Variants in GRM5 observed in about 807,000 individuals in gnomAD.
The protein encoded by GRM5 is metabotropic glutamate receptor 5.
A neutral mutation model predicts 83.1 loss-of-function variants in GRM5; 19 were observed. That is an observed-to-expected ratio of 0.23 (90% CI 0.16 to 0.34). The LOEUF (loss-of-function observed/expected upper bound fraction) is 0.34. Ranked by LOEUF, GRM5 falls within the 10% of genes least tolerant of loss-of-function variation. The pLI, the probability that GRM5 is intolerant of heterozygous loss-of-function variation, is 1.00. For synonymous variants in GRM5, 675 were observed against 633.6 expected (o/e 1.07, Z -0.98); for missense variants, 1,160 against 1,588.3 (o/e 0.73, Z 4.58).
chr11:88,993,472 G>C (rs1301223807), intron 2 of GRM5, among the ~76,000 whole-genome samples: 1 of 152,084 alleles, frequency 6.6e-6, no homozygotes, highest in Non-Finnish European at 1.5e-5. Context: ...TTTGAACTGA[G>C]TACCATACTT....
intron 3 of GRM5, among the ~76,000 whole-genome samples, chr11:88,798,825 A>AAAAAAAAAC (rs777932007): frequency 2.1e-5 from 3 of 145,228 alleles, no homozygotes; most frequent in Admixed American, 7.8e-5. Flanking sequence ...AAAAAAAAAA[A>AAAAAAAAAC]AACAACAACA....
intron 3 of GRM5, among the ~76,000 whole-genome samples, chr11:88,815,193 A>T (rs13377373): frequency 0.025 from 3,876 of 152,320 alleles, 172 homozygotes; most frequent in African/African-American, 0.089. Flanking sequence ...ATCAAGCTTT[A>T]ATAAATTTAA....
intron 2 of GRM5, among the ~76,000 whole-genome samples, chr11:88,932,845 A>G (rs1937759508): frequency 6.6e-6 from 1 of 152,106 alleles, no homozygotes; most frequent in Non-Finnish European, 1.5e-5. Context: ...CATTAAATAA[A>G]GTCTCTAATG....
At chr11:88,789,365 G>T (rs1171833790) in intron 3 of GRM5, among the ~76,000 whole-genome samples, 1 of 151,214 alleles carries the variant, frequency 6.6e-6, no homozygotes, top group East Asian at 1.9e-4. Context: ...AGAAAAAAAA[G>T]AAAAAAGAAA....
intron 2 of GRM5, among the ~76,000 whole-genome samples, chr11:88,958,816 C>T (rs1034388315): frequency 3.3e-5 from 5 of 152,058 alleles, no homozygotes; most frequent in Admixed American, 6.6e-5. Flanking sequence ...TAACCTATTA[C>T]ATGTTAACGC....
intron 2 of GRM5, among the ~76,000 whole-genome samples, chr11:88,994,901 A>G (rs987242833): frequency 6.6e-6 from 1 of 152,064 alleles, no homozygotes; most frequent in Admixed American, 6.6e-5. Flanking sequence ...CTTGCTTCTT[A>G]GTTTATCCTC....
intron 2 of GRM5, among the ~76,000 whole-genome samples, chr11:88,949,000 A>G (rs530677075): frequency 1.1e-4 from 17 of 152,192 alleles, no homozygotes; most frequent in Admixed American, 3.9e-4. Context: ...GTGTGCCCCA[A>G]CTAAACATGA....
At chr11:88,692,966 T>C (rs1471034155) in intron 3 of GRM5, among the ~76,000 whole-genome samples, 2 of 152,188 alleles carry the variant, frequency 1.3e-5, no homozygotes, top group Non-Finnish European at 2.9e-5. Context: ...GGCAATTTTA[T>C]AGCTTCTCCA....
At chr11:88,735,505 C>T (rs1591476835) in intron 3 of GRM5, among the ~76,000 whole-genome samples, 1 of 151,986 alleles carries the variant, frequency 6.6e-6, no homozygotes, top group African/African-American at 2.4e-5. Context: ...GAGCTTAGTC[C>T]TCAGTCTCTG....
chr11:89,004,384 A>G (rs1472168533), intron 2 of GRM5, among the ~76,000 whole-genome samples: 2 of 152,212 alleles, frequency 1.3e-5, no homozygotes, highest in African/African-American at 4.8e-5. Flanking sequence ...TGGAATTTAA[A>G]TGACATTGAA....
chr11:88,953,536 T>C (rs1459164858), intron 2 of GRM5, among the ~76,000 whole-genome samples: 2 of 152,216 alleles, frequency 1.3e-5, no homozygotes, highest in Non-Finnish European at 2.9e-5. Context: ...TCACATAGGC[T>C]GACCTCTTCT....
At chr11:88,720,039 C>CTTTTGTTT (rs1334953963) in intron 3 of GRM5, among the ~76,000 whole-genome samples, 2 of 151,990 alleles carry the variant, frequency 1.3e-5, no homozygotes, top group East Asian at 3.9e-4. Context: ...TTAATAGTGT[C>CTTTTGTTT]TTTTGTTTTG....
At chr11:88,594,454 A>AT (rs2135214616) in intron 6 of GRM5, among the ~76,000 whole-genome samples, 1 of 152,216 alleles carries the variant, frequency 6.6e-6, no homozygotes, top group East Asian at 1.9e-4. Flanking sequence ...GAAAGTAGCC[A>AT]TGGAGACTAT....
intron 2 of GRM5, among the ~76,000 whole-genome samples, chr11:88,988,418 C>A (rs1284045614): frequency 2.6e-5 from 4 of 151,852 alleles, no homozygotes; most frequent in Non-Finnish European, 4.4e-5. Context: ...AGAATGGAAC[C>A]AAGTTGGAAA....
At chr11:88,528,262 G>A (rs1035526977) in intron 8 of GRM5, among the ~76,000 whole-genome samples, 1 of 152,034 alleles carries the variant, frequency 6.6e-6, no homozygotes, top group Non-Finnish European at 1.5e-5. Flanking sequence ...AGCAGTTTTT[G>A]TATTCAATGC....
At chr11:88,842,230 GGTTT>G (rs1481541013) in intron 3 of GRM5, among the ~76,000 whole-genome samples, 1 of 151,948 alleles carries the variant, frequency 6.6e-6, no homozygotes, top group Non-Finnish European at 1.5e-5. Flanking sequence ...TAGTCAACAT[GGTTT>G]GTGTGTGAGT....
At chr11:88,688,359 G>C (rs1940698717) in intron 3 of GRM5, among the ~76,000 whole-genome samples, 1 of 152,086 alleles carries the variant, frequency 6.6e-6, no homozygotes, top group East Asian at 1.9e-4. Flanking sequence ...GGGTATCAGA[G>C]GATATTTACA....
intron 2 of GRM5, among the ~76,000 whole-genome samples, chr11:88,902,571 G>C (rs961703128): frequency 1.1e-4 from 16 of 152,116 alleles, no homozygotes; most frequent in Non-Finnish European, 1.9e-4. Context: ...GGGTAGCAGA[G>C]AGCACATCCA....
chr11:89,059,327 A>T (rs1235096390), intron 1 of GRM5, among the ~76,000 whole-genome samples: 1 of 152,184 alleles, frequency 6.6e-6, no homozygotes, highest in Non-Finnish European at 1.5e-5. Flanking sequence ...GCAATTACGT[A>T]TTATTTTGAT....
Sources: gnomAD v4.1 joint callset for allele counts (sites outside exome capture counted in the v4.1 genomes callset) on GRCh38, gnomAD v4.1.1 for gene constraint, MANE v1.5 for transcripts, NCBI Gene and HGNC (gene_info 2026-07-23, HGNC 2026-07-21) for gene names.